The following DCC variants were observed in gnomAD, a reference collection of about 807,000 sequenced individuals.
DCC encodes netrin receptor DCC.
Under a neutral mutation model 172.5 loss-of-function variants are expected in DCC, and 58 were observed. The observed-to-expected ratio is 0.34, with a 90% CI of 0.27 to 0.42. DCC has a LOEUF of 0.42. Ranked by LOEUF, DCC falls within the 10% of genes least tolerant of loss-of-function variation. The pLI is 1.00. For missense variants in DCC, 1,740 were observed against 1,791.0 expected, an observed-to-expected ratio of 0.97 and a Z score of 0.51; for synonymous variants, 709 against 644.5, an observed-to-expected ratio of 1.10 and a Z score of -1.52.
chr18:52,358,824 T>C (rs1016825876), intron 1 of DCC, among the ~76,000 whole-genome samples: 2 of 152,186 alleles, frequency 1.3e-5, no homozygotes, highest in African/African-American at 4.8e-5. Context: ...CCACCGTCTC[T>C]TGCCAGCCAT....
At chr18:52,777,254 T>C (rs1347782917) in intron 2 of DCC, among the ~76,000 whole-genome samples, 1 of 152,172 alleles carries the variant, frequency 6.6e-6, no homozygotes, top group African/African-American at 2.4e-5. Flanking sequence ...ATTCTGATAG[T>C]TGTGGAGGCC....
chr18:52,404,443 G>C (rs1986557652), intron 1 of DCC, among the ~76,000 whole-genome samples: 1 of 149,596 alleles, frequency 6.7e-6, no homozygotes, highest in African/African-American at 2.6e-5. Context: ...CCTTCCTCCT[G>C]CTGCATAGTG....
chr18:53,192,638 G>A (rs956891973), intron 9 of DCC, among the ~76,000 whole-genome samples: 1 of 152,116 alleles, frequency 6.6e-6, no homozygotes, highest in Non-Finnish European at 1.5e-5. Context: ...TTTGTGATGT[G>A]CCCATTAATA....
intron 27 of DCC, among the ~76,000 whole-genome samples, chr18:53,514,748 G>A (rs1317816574): frequency 1.3e-5 from 2 of 152,038 alleles, no homozygotes; most frequent in South Asian, 2.1e-4. Flanking sequence ...GACTAAACCA[G>A]GAAGAAATTG....
chr18:53,468,341 TTTTTATTTATTTATTTATTTA>T (rs2045649257), intron 25 of DCC, among the ~76,000 whole-genome samples: 1 of 57,426 alleles, frequency 1.7e-5, no homozygotes, highest in Non-Finnish European at 3.5e-5. Flanking sequence ...CCATAGTTTA[TTTTTATTTATTTATTTATTTA>T]TTTTATTTAT....
At chr18:52,383,701 C>A (rs539474680) in intron 1 of DCC, among the ~76,000 whole-genome samples, 30 of 151,634 alleles carry the variant, frequency 2.0e-4, no homozygotes, top group African/African-American at 6.5e-4. Flanking sequence ...CTTCATTTTC[C>A]TGGTTTCTCT....
chr18:52,380,869 A>G (rs1985556696), intron 1 of DCC, among the ~76,000 whole-genome samples: 1 of 152,158 alleles, frequency 6.6e-6, no homozygotes, highest in South Asian at 2.1e-4. Flanking sequence ...GCAGCAGAAG[A>G]GAAATGAAAG....
intron 1 of DCC, among the ~76,000 whole-genome samples, chr18:52,512,142 G>A (rs1486926338): frequency 2.6e-5 from 4 of 152,148 alleles, no homozygotes; most frequent in South Asian, 2.1e-4. Context: ...ATGAGAATGT[G>A]TGTAATAGAT....
intron 2 of DCC, among the ~76,000 whole-genome samples, chr18:52,881,120 G>T (rs1267870447): frequency 6.6e-6 from 1 of 152,052 alleles, no homozygotes; most frequent in Non-Finnish European, 1.5e-5. Flanking sequence ...ATGATGTTGA[G>T]CACTTTTTCA....
chr18:52,500,113 GTTT>G (rs34895630), intron 1 of DCC, among the ~76,000 whole-genome samples: 1 of 144,908 alleles, frequency 6.9e-6, no homozygotes. Flanking sequence ...ATTTTCACTA[GTTT>G]TTTTTTTTTT....
intron 2 of DCC, chr18:52,816,717 A>G (rs2038305923): frequency 6.6e-6 from 1 of 152,144 alleles, no homozygotes; most frequent in Non-Finnish European, 1.5e-5. Context: ...GACACTCGCT[A>G]GAGAGTTGCA....
intron 18 of DCC, among the ~76,000 whole-genome samples, chr18:53,402,401 A>AAT (rs1555665829): frequency 6.8e-4 from 98 of 144,780 alleles, no homozygotes; most frequent in Middle Eastern, 3.5e-3. Context: ...AAAAAAAAAA[A>AAT]AAATAAATAA....
At chr18:52,820,057 G>T (rs552921241) in intron 2 of DCC, among the ~76,000 whole-genome samples, 3 of 152,270 alleles carry the variant, frequency 2.0e-5, no homozygotes, top group Admixed American at 6.5e-5. Context: ...CAACGTGGGA[G>T]TGAGCATGAT....
At chr18:53,360,263 G>T (rs1217725515) in intron 15 of DCC, among the ~76,000 whole-genome samples, 1 of 151,920 alleles carries the variant, frequency 6.6e-6, no homozygotes, top group Non-Finnish European at 1.5e-5. Flanking sequence ...AGATATATTT[G>T]GCAAGTTAAA....
chr18:52,431,514 T>C (rs1432619929), intron 1 of DCC, among the ~76,000 whole-genome samples: 1 of 152,146 alleles, frequency 6.6e-6, no homozygotes, highest in Non-Finnish European at 1.5e-5. Context: ...GTGGATTTTC[T>C]GTGTTCTCAA....
chr18:53,370,970 A>G (rs2058055641), intron 15 of DCC, among the ~76,000 whole-genome samples: 3 of 151,946 alleles, frequency 2.0e-5, no homozygotes. Flanking sequence ...ATTTTCTTAG[A>G]ATACTAAACA....
intron 2 of DCC, among the ~76,000 whole-genome samples, chr18:52,842,860 G>T (rs779152086): frequency 1.3e-5 from 2 of 152,182 alleles, no homozygotes; most frequent in Non-Finnish European, 2.9e-5. Context: ...AAATAATTGA[G>T]GGTAATTCCT....
chr18:53,313,748 C>G lies in DCC; in HGVS notation c.2053+8029C>G, dbSNP rs189051134. ...AGTGCTTTAAATTTGTTGCTAATGTCTCTCTTGGGTTCTAGCATAGGGCAT... is the reference window on the plus strand; with the variant it reads ...AGTGCTTTAAATTTGTTGCTAATGTGTCTCTTGGGTTCTAGCATAGGGCAT... On this transcript the variant is annotated intron_variant, in intron 13 of 28. Coordinates refer to ENST00000442544, the MANE Select transcript of DCC (RefSeq NM_005215.4). Among the ~76,000 whole-genome samples, 3 of 152,246 alleles carry G rather than the reference C, an allele frequency of 2.0e-5. No homozygotes were observed. The East Asian group carries it at 5.8e-4, about 29-fold the overall frequency.
chr18:53,392,131 C>A (rs951094925), intron 17 of DCC, among the ~76,000 whole-genome samples: 1 of 151,988 alleles, frequency 6.6e-6, no homozygotes, highest in African/African-American at 2.4e-5. Context: ...TCACCAGATG[C>A]TGAGTTTGTA....
Sources: allele counts gnomAD v4.1 joint callset (sites outside exome capture counted in the v4.1 genomes callset), GRCh38; gene constraint gnomAD v4.1.1; transcripts MANE v1.5; gene names NCBI Gene and HGNC (gene_info 2026-07-23, HGNC 2026-07-21).